The following ANK3 variants were observed in gnomAD, a reference collection of about 807,000 sequenced individuals.
ANK3 encodes the protein ankyrin 3.
Under a neutral mutation model 370.9 loss-of-function variants are expected in ANK3, and 57 were observed. The observed-to-expected ratio is 0.15, with a 90% confidence interval of 0.12 to 0.19. ANK3 has a LOEUF of 0.19. ANK3 is among the 10% of genes least tolerant of loss of function. The pLI is 1.00. For missense variants in ANK3, 4,439 were observed against 5,302.1 expected (o/e 0.84, Z 5.06); for synonymous variants, 1,929 against 1,946.3 (o/e 0.99, Z 0.23).
intron 1 of ANK3, among the ~76,000 whole-genome samples, chr10:60,700,454 C>T (rs989356465): frequency 6.6e-6 from 1 of 151,850 alleles, no homozygotes; most frequent in African/African-American, 2.4e-5. Flanking sequence ...AAAATTTCCC[C>T]CCTGGAATTA....
chr10:60,243,715 T>A lies in ANK3; in HGVS notation c.799-8929A>T, dbSNP rs111244791. ...GTTATATTATTTGTATTACTTATTA[T>A]ACAGACATTTAGAAATGTATGAAAT... On this transcript the variant is annotated intron_variant, in intron 7 of 43. Transcript: ENST00000280772. Among the ~76,000 whole-genome samples the A allele has an allele frequency of 2.7e-3, 417 of 152,326 alleles. 1 individual carries two copies. The highest frequency in any genetic ancestry group is 9.7e-3 in the African/African-American group (402 of 41,566).
chr10:60,374,129 G>A (rs1017799018), intron 1 of ANK3, among the ~76,000 whole-genome samples: 1 of 151,830 alleles, frequency 6.6e-6, no homozygotes, highest in African/African-American at 2.4e-5. Context: ...GTGTCCTGCA[G>A]TAGGAGCACA....
chr10:60,138,663 T>G (rs1382551804), intron 24 of ANK3: 1 of 471,752 alleles, frequency 2.1e-6, no homozygotes, highest in African/African-American at 2.0e-5. Flanking sequence ...AATATGTGAC[T>G]CAGATTGGTT....
intron 6 of ANK3, 31 bp from the exon 7 acceptor site, chr10:60,261,988 G>T: frequency 6.4e-7 from 1 of 1,573,016 alleles, no homozygotes; most frequent in South Asian, 1.1e-5. Context: ...ACATTCAATT[G>T]ATTCCTGCCA....
At chr10:60,244,270 T>C (rs2097520633) in intron 7 of ANK3, among the ~76,000 whole-genome samples, 1 of 152,164 alleles carries the variant, frequency 6.6e-6, no homozygotes, top group South Asian at 2.1e-4. Flanking sequence ...ATTACTGATG[T>C]CTCCCCCAAC....
At chr10:60,289,773 A>G (rs2040902688) in intron 1 of ANK3, among the ~76,000 whole-genome samples, 1 of 152,216 alleles carries the variant, frequency 6.6e-6, no homozygotes, top group African/African-American at 2.4e-5. Context: ...TGGTGAACAA[A>G]GTAACATGAG....
At chr10:60,118,540 G>A (rs998884512) in intron 25 of ANK3, among the ~76,000 whole-genome samples, 1 of 150,622 alleles carries the variant, frequency 6.6e-6, no homozygotes, top group Non-Finnish European at 1.5e-5. Flanking sequence ...CAAATATGAG[G>A]TGTTGGTTTC....
chr10:60,420,719 A>G (rs1594994180), intron 2 of ANK3, among the ~76,000 whole-genome samples: 1 of 152,146 alleles, frequency 6.6e-6, no homozygotes, highest in South Asian at 2.1e-4. Flanking sequence ...GATTCTGAGC[A>G]TCTGGCTATC....
chr10:60,606,351 A>G (rs530864453), intron 2 of ANK3, among the ~76,000 whole-genome samples: 3 of 152,114 alleles, frequency 2.0e-5, no homozygotes, highest in Non-Finnish European at 4.4e-5. Flanking sequence ...TGGTCTCATG[A>G]GATTTTTTTT....
intron 37 of ANK3, 43 bp from the exon 38 acceptor site, chr10:60,068,052 A>G: frequency 6.4e-7 from 1 of 1,564,122 alleles, no homozygotes; most frequent in Non-Finnish European, 8.8e-7. Context: ...ATCAAGAAAG[A>G]TACGATACTG....
At chr10:60,404,418 G>A (rs2063412745) in intron 2 of ANK3, among the ~76,000 whole-genome samples, 1 of 152,074 alleles carries the variant, frequency 6.6e-6, no homozygotes. Context: ...CAATGCAAGG[G>A]AAACAGACTT....
At chr10:60,442,036 A>ACAC (rs2064311677) in intron 2 of ANK3, among the ~76,000 whole-genome samples, 1 of 151,718 alleles carries the variant, frequency 6.6e-6, no homozygotes, top group South Asian at 2.1e-4. Flanking sequence ...AAGGATGCTC[A>ACAC]CACCCCTGAT....
At chr10:60,331,579 A>C (rs1021775212) in intron 1 of ANK3, among the ~76,000 whole-genome samples, 2 of 151,778 alleles carry the variant, frequency 1.3e-5, no homozygotes, top group Non-Finnish European at 2.9e-5. Context: ...ATTAAAAAAA[A>C]AAAAAAAACA....
intron 2 of ANK3, among the ~76,000 whole-genome samples, chr10:60,438,526 G>A (rs1180213832): frequency 6.6e-6 from 1 of 152,184 alleles, no homozygotes; most frequent in East Asian, 1.9e-4. Flanking sequence ...AGTTTAAAAT[G>A]CCAAGTGTGG....
chr10:60,654,249 T>A (rs2078832073), intron 1 of ANK3, among the ~76,000 whole-genome samples: 1 of 152,214 alleles, frequency 6.6e-6, no homozygotes, highest in South Asian at 2.1e-4. Flanking sequence ...TAGACAAGTA[T>A]GTTGTCTACA....
At chr10:60,329,282 A>G (rs1232723943) in intron 1 of ANK3, among the ~76,000 whole-genome samples, 1 of 152,204 alleles carries the variant, frequency 6.6e-6, no homozygotes, top group Non-Finnish European at 1.5e-5. Context: ...AGGTCTGGCC[A>G]GGGCAATCAG....
chr10:60,277,139 T>C (rs887092549), intron 4 of ANK3, among the ~76,000 whole-genome samples: 3 of 152,210 alleles, frequency 2.0e-5, no homozygotes, highest in Non-Finnish European at 4.4e-5. Context: ...TTTCTTTGAC[T>C]CTGACATTTG....
In ANK3 at chr10:60,085,163, GA is replaced by G. The variant is rs1293620216; in HGVS notation, c.3838del (p.Ser1280GlnfsTer13). On this transcript the variant is annotated frameshift_variant, in exon 31 of 44. Transcript: ENST00000280772. LOFTEE classifies it high-confidence loss of function. ...KDCVSFTTNV[S>X]ARFWLADCHQ... ...GAATCCTTTATTTCCATACCTGGCT[GA>G]AACATTGGTTGTAAAGGAGACACAA... 1 of 1,609,376 alleles carries G rather than the reference GA, an allele frequency of 6.2e-7. No individual in the cohort carries two copies.
chr10:60,602,453 C>T lies in ANK3; in HGVS notation c.96+12733G>A, dbSNP rs781426454. On this transcript the variant is annotated intron_variant, in intron 2 of 43. Coordinates refer to the ANK3 transcript ENST00000373827. ...TCTCCGCTAATATGCACGCTTAATACAGTTTGAGTGACATATATCAATTGG... is the reference window on the plus strand; with the variant it reads ...TCTCCGCTAATATGCACGCTTAATATAGTTTGAGTGACATATATCAATTGG... Among the ~76,000 whole-genome samples the T allele has an allele frequency of 1.1e-4, 16 of 152,224 alleles. No homozygotes were observed. In the Middle Eastern group the frequency reaches 0.01, roughly 97 times the overall value.
Sources: gnomAD v4.1 joint callset for allele counts (sites outside exome capture counted in the v4.1 genomes callset) on GRCh38, gnomAD v4.1.1 for gene constraint, MANE v1.5 for transcripts, NCBI Gene and HGNC (gene_info 2026-07-23, HGNC 2026-07-21) for gene names.